PXYLP1: variants seen among roughly 807,000 people sequenced by gnomAD.
PXYLP1 encodes 2-phosphoxylose phosphatase 1.
PXYLP1 carries 17 observed loss-of-function variants against 37.9 expected under a neutral mutation model. The ratio of observed to expected loss-of-function variants is 0.45; its 90% confidence interval spans 0.31 to 0.67. The LOEUF (loss-of-function observed/expected upper bound fraction) is 0.67. Ranked by LOEUF, PXYLP1 falls within the 30% of genes least tolerant of loss-of-function variation. PXYLP1 has a pLI of 0.07. For missense variants in PXYLP1, 511 were observed against 612.0 expected (o/e 0.84, Z 1.74); for synonymous variants, 221 against 232.2 (o/e 0.95, Z 0.44).
chr3:141,292,949 T>C lies in PXYLP1; in HGVS notation c.1187T>C (p.Phe396Ser), dbSNP rs781530444. The C allele has an allele frequency of 3.7e-5, 60 of 1,614,028 alleles. No individual in the cohort carries two copies. In the Middle Eastern group the frequency reaches 6.6e-4, roughly 18 times the overall value. Residue 396 changes from phenylalanine (F) to serine (S), a missense_variant, in exon 6 of 6, where the codon TTC becomes TCC. Transcript: ENST00000286353. This position sits in a 1 kb window ranked among gnomAD's most constrained non-coding sequence, Gnocchi z 4.3. Reference sequence around the variant, plus strand: ...GCCTTGGGCCTTTCAGAAGCCAGGTTCCCAAGGTTTGCAGCCAGGTTGATC... The same window carrying C: ...GCCTTGGGCCTTTCAGAAGCCAGGTCCCCAAGGTTTGCAGCCAGGTTGATC... The part of the protein sequence containing the change: ...LSALGLSEAR[F>S]PRFAARLIFE...
At chr3:141,273,945 A>G in intron 2 of PXYLP1, 1 of 985,578 alleles carries the variant, frequency 1.0e-6, no homozygotes, top group Non-Finnish European at 1.2e-6. Flanking sequence ...TCCCACCTAC[A>G]TAATGAAACT....
intron 2 of PXYLP1, among the ~76,000 whole-genome samples, chr3:141,275,158 C>T (rs1202360289): frequency 6.6e-6 from 1 of 152,198 alleles, no homozygotes; most frequent in African/African-American, 2.4e-5. Context: ...CTAGTAGACA[C>T]AGTTGACAGG....
intron 2 of PXYLP1, among the ~76,000 whole-genome samples, chr3:141,269,895 G>T (rs1941618757): frequency 6.6e-6 from 1 of 152,270 alleles, no homozygotes; most frequent in African/African-American, 2.4e-5. Flanking sequence ...CCAGAAGAGT[G>T]TGGGGTTTCC....
intron 1 of PXYLP1, among the ~76,000 whole-genome samples, chr3:141,246,131 G>T (rs1940932419): frequency 6.6e-6 from 1 of 152,158 alleles, no homozygotes; most frequent in African/African-American, 2.4e-5. Flanking sequence ...GCTTGGTGGG[G>T]GGTAGGCTAG....
chr3:141,273,167 A>T (rs1004155423), intron 2 of PXYLP1: 15 of 985,156 alleles, frequency 1.5e-5, no homozygotes, highest in South Asian at 4.7e-5. Flanking sequence ...CCGCAACTGG[A>T]TTGTAAACCC....
intron 4 of PXYLP1, among the ~76,000 whole-genome samples, chr3:141,285,104 C>T (rs911577686): frequency 6.6e-6 from 1 of 150,576 alleles, no homozygotes; most frequent in Non-Finnish European, 1.5e-5. Context: ...TAAAAAGATA[C>T]AGCCATTTGT....
At position 141,292,354 on chromosome 3, in the gene PXYLP1, G is replaced by A. The variant is rs766569586; in HGVS notation, c.592G>A (p.Asp198Asn). The change falls in exon 6 of 6, where the codon GAC becomes AAC. Residue 198 changes from aspartate (D) to asparagine (N), a missense_variant. Physicochemically the swap from Asp to Asn is conservative, Grantham distance 23. Transcript: ENST00000286353. This position sits in a 1 kb window ranked among gnomAD's most constrained non-coding sequence, Gnocchi z 4.3. The stretch of plus-strand genomic sequence containing the variant: ...ACTCCTGCCCAATGATTGGTCTGCA[G>A]ACCAGCTCTATTTAGAGACCACTGG... ...HKLLPNDWSA[D>N]QLYLETTGKS... 2 of 1,614,058 alleles carry A rather than the reference G, an allele frequency of 1.2e-6. No individual in the cohort carries two copies. Among genetic ancestry groups the A allele is most frequent in the Middle Eastern group, 1.6e-4 (1 of 6,066 alleles).
At chr3:141,285,172 G>C (rs1262080437) in intron 4 of PXYLP1, among the ~76,000 whole-genome samples, 1 of 113,342 alleles carries the variant, frequency 8.8e-6, no homozygotes, top group Non-Finnish European at 1.7e-5. Context: ...TTTGAGACAG[G>C]GTATCTCTTT....
chr3:141,257,582 A>G (rs1004811489), intron 1 of PXYLP1, among the ~76,000 whole-genome samples: 1 of 152,172 alleles, frequency 6.6e-6, no homozygotes, highest in African/African-American at 2.4e-5. Context: ...CCACCTGAAG[A>G]CAACTGTAAA....
At chr3:141,246,171 A>G (rs1037009238) in intron 1 of PXYLP1, among the ~76,000 whole-genome samples, 2 of 152,184 alleles carry the variant, frequency 1.3e-5, no homozygotes, top group Non-Finnish European at 2.9e-5. Flanking sequence ...GCTTAGTATT[A>G]AAAGAGAGCT....
At chr3:141,284,163 C>A (rs1454961751) in intron 4 of PXYLP1, among the ~76,000 whole-genome samples, 1 of 152,106 alleles carries the variant, frequency 6.6e-6, no homozygotes, top group African/African-American at 2.4e-5. Flanking sequence ...TTAGCTCTTC[C>A]TCATGTGAAG....
At chr3:141,234,517 TC>T (rs1940613611) in intron 1 of PXYLP1, among the ~76,000 whole-genome samples, 2 of 152,182 alleles carry the variant, frequency 1.3e-5, no homozygotes, top group Non-Finnish European at 2.9e-5. Flanking sequence ...GATTGCACCA[TC>T]CCCACTCCAG....
chr3:141,273,068 CA>C, intron 2 of PXYLP1: 5 of 985,466 alleles, frequency 5.1e-6, no homozygotes, highest in Non-Finnish European at 6.0e-6. Context: ...CCAGTGAGTG[CA>C]GGGGGCCCCG....
At chr3:141,260,291 A>G (rs1430489261) in intron 2 of PXYLP1, 37 bp downstream of exon 2, 1 of 1,605,612 alleles carries the variant, frequency 6.2e-7, no homozygotes, top group Non-Finnish European at 8.5e-7. Context: ...GTGGGAGGGT[A>G]GGGGCTTCAT....
chr3:141,272,812 T>C (rs1576596511), intron 2 of PXYLP1: 1 of 202,428 alleles, frequency 4.9e-6, no homozygotes, highest in Admixed American at 6.5e-5. Flanking sequence ...TCCAGCTGCA[T>C]TGGCAGCTTA....
chr3:141,232,483 G>C (rs1940544316), intron 1 of PXYLP1: 1 of 152,268 alleles, frequency 6.6e-6, no homozygotes, highest in South Asian at 2.1e-4. Context: ...GACGGGGCTG[G>C]CTCCTCTTGG....
intron 4 of PXYLP1, among the ~76,000 whole-genome samples, chr3:141,285,534 C>A (rs1157913211): frequency 1.3e-5 from 2 of 151,612 alleles, no homozygotes; most frequent in East Asian, 1.9e-4. Context: ...CAAAAAAAAA[C>A]AAAAATAAAA....
chr3:141,287,644 CCTT>C (rs1302604040), intron 5 of PXYLP1, among the ~76,000 whole-genome samples, 191 bp downstream of exon 5: 4 of 152,150 alleles, frequency 2.6e-5, no homozygotes, highest in Non-Finnish European at 4.4e-5. Context: ...GAACCTTTCT[CCTT>C]CTTACAAAAA....
At chr3:141,244,168 A>T (rs1220185412) in intron 1 of PXYLP1, among the ~76,000 whole-genome samples, 1 of 152,000 alleles carries the variant, frequency 6.6e-6, no homozygotes, top group Non-Finnish European at 1.5e-5. Flanking sequence ...TTCCTTTTTA[A>T]AAAAAAATTG....
Sources: allele counts gnomAD v4.1 joint callset (sites outside exome capture counted in the v4.1 genomes callset), GRCh38; gene constraint gnomAD v4.1.1; non-coding constraint Gnocchi (gnomAD v3.1); transcripts MANE v1.5; gene names NCBI Gene and HGNC (gene_info 2026-07-23, HGNC 2026-07-21).